The following SLC35D1 variants were observed in gnomAD, a reference collection of about 807,000 sequenced individuals.
The protein encoded by SLC35D1 is solute carrier family 35 member D1.
In SLC35D1, 31 loss-of-function variants were observed where a neutral mutation model predicts 46.7. The ratio of observed to expected loss-of-function variants is 0.66; its 90% CI spans 0.50 to 0.90. The LOEUF (loss-of-function observed/expected upper bound fraction) is 0.90, where lower values mean the gene tolerates loss of function less well. Among genes scored for constraint, SLC35D1 ranks in the 40% least tolerant of loss-of-function variants. The pLI is 0.00. For missense variants in SLC35D1, 397 were observed against 426.2 expected, an observed-to-expected ratio of 0.93 and a Z score of 0.60; for synonymous variants, 195 against 164.6, an observed-to-expected ratio of 1.18 and a Z score of -1.41.
chr1:66,994,091 GCTTAGATGTTCATTAGGT>G, the SLC35D1 span, among the ~76,000 whole-genome samples: 1 of 152,208 alleles, frequency 6.6e-6, no homozygotes, highest in African/African-American at 2.4e-5. Flanking sequence ...AAGCATGCAT[GCTTAGATGTTCATTAGGT>G]CATGGGATGG....
the SLC35D1 span, among the ~76,000 whole-genome samples, chr1:66,984,360 G>C: frequency 1.3e-5 from 2 of 152,044 alleles, no homozygotes; most frequent in Non-Finnish European, 2.9e-5. Flanking sequence ...TATCTATTAT[G>C]ATCTTCATTG....
intron 1 of SLC35D1, 117 bp downstream of exon 1, chr1:67,053,694 C>T: frequency 9.5e-7 from 1 of 1,056,246 alleles, no homozygotes. Context: ...CTCCCCAGCT[C>T]CCGCCCAACT....
intron 8 of SLC35D1, among the ~76,000 whole-genome samples, chr1:67,038,842 CACACACACACAA>C (rs1267336532): frequency 1.3e-5 from 2 of 151,822 alleles, no homozygotes. Flanking sequence ...TATACACACA[CACACACACACAA>C]ACACACACAC....
At chr1:67,018,516 G>C (rs557819181) in intron 10 of SLC35D1, among the ~76,000 whole-genome samples, 94 of 152,286 alleles carry the variant, frequency 6.2e-4, no homozygotes, top group African/African-American at 2.2e-3. Context: ...AGTCATGATA[G>C]CTCAAAACTA....
chr1:67,037,912 A>G (rs1381212704), intron 8 of SLC35D1, among the ~76,000 whole-genome samples: 1 of 152,194 alleles, frequency 6.6e-6, no homozygotes, highest in Non-Finnish European at 1.5e-5. Context: ...TAAGGCAGAA[A>G]GAAGATAATG....
the SLC35D1 span, chr1:66,984,836 C>A: frequency 6.2e-7 from 1 of 1,609,630 alleles, no homozygotes; most frequent in Non-Finnish European, 8.5e-7. Flanking sequence ...CCAGGTTCTT[C>A]TGAATTTTTC....
At position 67,049,862 on chromosome 1, in the gene SLC35D1, A is replaced by C. The variant is rs1645289270; in HGVS notation, c.465-12T>G. 2.5e-6 allele frequency: 4 copies of C among 1,588,866 alleles called. No homozygotes were observed. The South Asian group carries it at 4.4e-5, about 18-fold the overall frequency. On this transcript the variant is annotated splice_polypyrimidine_tract_variant and intron_variant, in intron 5 of 11. Coordinates refer to ENST00000235345, the MANE Select transcript of SLC35D1 (RefSeq NM_015139.3). ...AAGAAAAAGTCTTCCTACAAAACAAAAAATTTTAAAATACACACATGACTT... is the reference window on the plus strand; with the variant it reads ...AAGAAAAAGTCTTCCTACAAAACAACAAATTTTAAAATACACACATGACTT...
At chr1:67,037,363 T>A (rs1171862713) in intron 8 of SLC35D1, among the ~76,000 whole-genome samples, 3 of 151,874 alleles carry the variant, frequency 2.0e-5, no homozygotes, top group Non-Finnish European at 4.4e-5. Flanking sequence ...AGAAAGGGAG[T>A]ATGTGAGTAA....
the SLC35D1 span, chr1:66,988,191 G>A: frequency 1.3e-5 from 2 of 152,248 alleles, no homozygotes; most frequent in East Asian, 1.9e-4. Flanking sequence ...ATGCCAGTGT[G>A]GAAAACCATG....
At chr1:66,995,972 G>C (rs574628002), downstream of SLC35D1, among the ~76,000 whole-genome samples, 20 of 152,314 alleles carry the variant, frequency 1.3e-4, no homozygotes, top group South Asian at 3.9e-3. Context: ...ACGAGGGATG[G>C]TATATGAAAT....
At chr1:66,985,381 G>GT in the SLC35D1 span, 1 of 984,600 alleles carries the variant, frequency 1.0e-6, no homozygotes, top group Non-Finnish European at 1.2e-6. Flanking sequence ...TCACCAAACA[G>GT]TTTGAGTATC....
At chr1:67,033,520 T>C (rs1386407031) in intron 8 of SLC35D1, among the ~76,000 whole-genome samples, 1 of 152,232 alleles carries the variant, frequency 6.6e-6, no homozygotes, top group Non-Finnish European at 1.5e-5. Context: ...TTGCCATCTG[T>C]ATGTCTTCTT....
downstream of SLC35D1, among the ~76,000 whole-genome samples, chr1:66,997,519 A>AAAATAT (rs1553262615): frequency 1.8e-4 from 13 of 74,070 alleles, no homozygotes; most frequent in African/African-American, 5.0e-4. Context: ...AAAAAAAAAA[A>AAAATAT]ATATATATAT....
In SLC35D1 at chr1:67,000,074, A is replaced by G. The variant is rs1667299661; in HGVS notation, c.*4266T>C. The G allele has an allele frequency of 6.6e-6, 1 of 151,472 alleles. No individual in the cohort carries two copies. The highest frequency in any genetic ancestry group is 2.4e-5 in the African/African-American group (1 of 41,166). 9.4% of individuals were successfully genotyped at this position (151,472 alleles called of 1,614,324 possible). On this transcript the variant is annotated 3_prime_UTR_variant, in exon 12 of 12. Transcript: ENST00000235345. ...TACTTGAGGCCAGGAGTTTGAGACC[A>G]GTCTGGCAACAGAGTGAGACCCTGT...
chr1:66,980,984 G>A, the SLC35D1 span, among the ~76,000 whole-genome samples: 1 of 152,142 alleles, frequency 6.6e-6, no homozygotes, highest in Non-Finnish European at 1.5e-5. Flanking sequence ...CAGATGGCCA[G>A]CCCACAGGCT....
At chr1:67,011,870 C>T (rs1427133855) in intron 10 of SLC35D1, among the ~76,000 whole-genome samples, 1 of 152,180 alleles carries the variant, frequency 6.6e-6, no homozygotes, top group African/African-American at 2.4e-5. Flanking sequence ...TTCTCTGTGG[C>T]ATGAATATTC....
At chr1:66,977,464 A>G in the SLC35D1 span, among the ~76,000 whole-genome samples, 1 of 152,114 alleles carries the variant, frequency 6.6e-6, no homozygotes, top group African/African-American at 2.4e-5. Flanking sequence ...TCCTTTTCCT[A>G]GCTTTCCTGA....
intron 7 of SLC35D1, among the ~76,000 whole-genome samples, chr1:67,043,294 A>G (rs1645216631): frequency 2.0e-5 from 3 of 152,056 alleles, no homozygotes; most frequent in Non-Finnish European, 4.4e-5. Context: ...TGAGCCTGGG[A>G]GTTCAAGGCT....
Position 67,053,650 on chromosome 1 carries a change from C to G in SLC35D1, c.203+161G>C, listed in dbSNP as rs2251004. 0.67 allele frequency among the ~76,000 whole-genome samples: 102,308 copies of G among 151,784 alleles called. 34,832 individuals carry two copies. The highest frequency in any genetic ancestry group is 0.76 in the South Asian group (3,668 of 4,828). On this transcript the variant is annotated intron_variant, in intron 1 of 11. Transcript: ENST00000235345. ...CACAGGCCCGCTCGCCAGGCCGGCT[C>G]CGCTGCCCGGGCCGCGCGCGTCAGC...
Sources: gnomAD v4.1 joint callset for allele counts (sites outside exome capture counted in the v4.1 genomes callset) on GRCh38, gnomAD v4.1.1 for gene constraint, MANE v1.5 for transcripts, NCBI Gene and HGNC (gene_info 2026-07-23, HGNC 2026-07-21) for gene names.